Variants in SLC19A1 observed in about 807,000 individuals in gnomAD.
SLC19A1 encodes reduced folate transporter.
A neutral mutation model predicts 35.3 loss-of-function variants in SLC19A1; 37 were observed. The ratio of observed to expected loss-of-function variants is 1.05; its 90% CI spans 0.81 to 1.38. SLC19A1 has a LOEUF of 1.38. Ranked by LOEUF, SLC19A1 falls within the 40% of genes most tolerant of loss-of-function variation. The probability of loss-of-function intolerance (pLI) is 0.00; values close to 1 mark genes in which losing one functional copy is unlikely to be tolerated. For synonymous variants in SLC19A1, 460 were observed against 398.5 expected, an observed-to-expected ratio of 1.15 and a Z score of -1.84; for missense variants, 831 against 826.9, an observed-to-expected ratio of 1.00 and a Z score of -0.06.
Position 45,532,065 on chromosome 21 carries a change from G to C in SLC19A1, c.273C>G (p.Arg91=), listed in dbSNP as rs925375391. Residue 91 remains arginine (R), a synonymous_variant, in exon 3 of 6, where the codon CGC becomes CGG. Transcript: ENST00000311124. The stretch of plus-strand genomic sequence containing the variant: ...CCTGCAGCAGCAGCACCGGCGTGTA[G>C]CGCAGGTAGTCGGTGAGCAGGAACA... ...VPVFLLTDYL[R]YTPVLLLQGL... The C allele has an allele frequency of 3.1e-6, 5 of 1,612,426 alleles. No individual in the cohort carries two copies. The African/African-American group carries it at 6.7e-5, about 22-fold the overall frequency.
chr21:45,505,744 C>T (rs2037162490), intron 3 of SLC19A1: 5 of 1,065,108 alleles, frequency 4.7e-6, no homozygotes, highest in Non-Finnish European at 6.9e-6. Flanking sequence ...CCCTGCGGCC[C>T]CTGCCCAGCA....
Position 45,512,637 on chromosome 21 carries a change from G to A in SLC19A1, c.*3021C>T, listed in dbSNP as rs2037679254. The A allele has an allele frequency of 3.5e-6, 2 of 578,038 alleles. No homozygotes were observed. Among genetic ancestry groups the A allele is most frequent in the Admixed American group, 6.0e-5 (2 of 33,346 alleles). 35.8% of individuals were successfully genotyped at this position (578,038 alleles called of 1,614,324 possible). ...CTGCCCCAACTCTCCCCTGACCTGTGAGCCCAGCTGGGTCAGGCAGGGTGC... is the reference window on the plus strand; with the variant it reads ...CTGCCCCAACTCTCCCCTGACCTGTAAGCCCAGCTGGGTCAGGCAGGGTGC... On this transcript the variant is annotated 3_prime_UTR_variant, in exon 6 of 6. Transcript: ENST00000311124.
rs200299380 is a variant in SLC19A1, at chr21:45,505,213, G to A, written c.498-6601C>T. The A allele has an allele frequency of 1.6e-3, 2,486 of 1,600,036 alleles. 5 individuals carry two copies. Among genetic ancestry groups the A allele is most frequent in the Admixed American group, 1.9e-3 (113 of 58,530 alleles). The stretch of plus-strand genomic sequence containing the variant: ...CCCCCCGGCATCGGCTACGAGGGGC[G>A]CCAGGGCCCTCCCGGCCCCCCAGGC... On this transcript the variant is annotated intron_variant, in intron 3 of 4. Coordinates refer to the SLC19A1 transcript ENST00000417954.
chr21:45,536,407 G>A (rs1281219635), intron 2 of SLC19A1: 2 of 152,568 alleles, frequency 1.3e-5, no homozygotes, highest in Non-Finnish European at 1.5e-5. Context: ...GTGGGTGGCA[G>A]GGAGAGGGAC....
At position 45,514,492 on chromosome 21, in the gene SLC19A1, G is replaced by GTGCTGAGC. The variant is rs11281978; in HGVS notation, c.*1158_*1165dup. On this transcript the variant is annotated 3_prime_UTR_variant, in exon 6 of 6. Transcript: ENST00000311124. ...CCAGAGATTCTCTCCCCAGCTCTCC[G>GTGCTGAGC]TGCTGAGCAGCCAGCCATTCACCTG... 73,215 of 152,152 alleles carry GTGCTGAGC rather than the reference G, an allele frequency of 0.48. 17,968 individuals carry two copies. The highest frequency in any genetic ancestry group is 0.59 in the African/African-American group (24,542 of 41,324). The allele number at this position is 152,152 out of a possible 1,614,324, so 9.4% of individuals were successfully genotyped here.
At chr21:45,520,751 T>G (rs2077412765) in intron 5 of SLC19A1, among the ~76,000 whole-genome samples, 1 of 152,194 alleles carries the variant, frequency 6.6e-6, no homozygotes. Flanking sequence ...CCGGGCATGG[T>G]GGCTCATGCC....
intron 3 of SLC19A1, chr21:45,506,752 T>TCCCACCTTCCCTCTAGCATG (rs1568945730): frequency 3.5e-5 from 1 of 28,906 alleles, no homozygotes; most frequent in African/African-American, 1.9e-4. Context: ...TCTAGAGCCC[T>TCCCACCTTCCCTCTAGCATG]CCCACCTTCC....
chr21:45,528,917 C>A (rs138072208), intron 4 of SLC19A1, among the ~76,000 whole-genome samples: 85 of 152,332 alleles, frequency 5.6e-4, no homozygotes, highest in African/African-American at 2.0e-3. Flanking sequence ...CGCTGCGGCA[C>A]CGTGTTGGAT....
intron 2 of SLC19A1, among the ~76,000 whole-genome samples, chr21:45,535,224 T>G (rs1039064400): frequency 2.6e-5 from 4 of 152,146 alleles, no homozygotes; most frequent in Non-Finnish European, 5.9e-5. Flanking sequence ...ACAGCACAGT[T>G]CCAGCGGGGG....
Position 45,516,129 on chromosome 21 carries a change from G to A in SLC19A1, c.1305C>T (p.Tyr435=), listed in dbSNP as rs2037924541. 3 of 1,601,814 alleles carry A rather than the reference G, an allele frequency of 1.9e-6. No individual in the cohort carries two copies. In the African/African-American group the frequency reaches 4.0e-5, roughly 21 times the overall value. ...GLPVRKQFQL[Y]SVYFLILSII... Reference sequence around the variant, plus strand: ...TGGACAGGATCAGGAAGTACACGGAGTATAACTGGAACTGGAAAGAGAGGC... The same window carrying A: ...TGGACAGGATCAGGAAGTACACGGAATATAACTGGAACTGGAAAGAGAGGC... The change falls in exon 6 of 6, where the codon TAC becomes TAT. Residue 435 remains tyrosine, a synonymous_variant. Coordinates refer to ENST00000311124, the MANE Select transcript of SLC19A1 (RefSeq NM_194255.4).
chr21:45,528,421 CAG>C (rs1395493171), intron 4 of SLC19A1, among the ~76,000 whole-genome samples: 1 of 152,066 alleles, frequency 6.6e-6, no homozygotes, highest in African/African-American at 2.4e-5. Context: ...AGGAGACACA[CAG>C]GGGCCACTCA....
At chr21:45,537,742 G>A (rs779878814) in intron 2 of SLC19A1, 29 bp downstream of exon 2, 92 of 189,788 alleles carry the variant, frequency 4.8e-4, no homozygotes, top group African/African-American at 1.9e-3. Context: ...ACCCACAGGC[G>A]GCCGCCCGGC....
chr21:45,557,340 C>CCGTAGCCCGTGCCA (rs1438416872), intron 1 of SLC19A1, among the ~76,000 whole-genome samples: 1 of 152,230 alleles, frequency 6.6e-6, no homozygotes, highest in African/African-American at 2.4e-5. Context: ...GGCTTTGACC[C>CCGTAGCCCGTGCCA]CGTAGCCCGT....
rs1185667416 is a variant in SLC19A1 at position 45,515,052 on chromosome 21, C to T, written c.*606G>A. 27 of 1,544,530 alleles carry T rather than the reference C, an allele frequency of 1.7e-5. No individual in the cohort carries two copies. The highest frequency in any genetic ancestry group is 7.4e-5 in the East Asian group (3 of 40,802). The stretch of plus-strand genomic sequence containing the variant: ...TAGGGTGGGAGAGAGGAACCAGCTC[C>T]GAGGACCAGAGCCGCTGCTCCCCTC... On this transcript the variant is annotated 3_prime_UTR_variant, in exon 6 of 6. Transcript: ENST00000311124.
At chr21:45,509,556 A>T (rs1345910765), downstream of SLC19A1, 3 of 1,533,714 alleles carry the variant, frequency 2.0e-6, no homozygotes, top group Non-Finnish European at 2.6e-6. Context: ...GGCCGGCGCG[A>T]CCCACAAGCC....
intron 1 of SLC19A1, among the ~76,000 whole-genome samples, chr21:45,541,521 G>T (rs1008717168): frequency 6.6e-6 from 1 of 152,268 alleles, no homozygotes; most frequent in Non-Finnish European, 1.5e-5. Flanking sequence ...GGCCAGGCAG[G>T]CCAGACTCCC....
chr21:45,504,692 C>T, intron 3 of SLC19A1: 6 of 767,938 alleles, frequency 7.8e-6, no homozygotes, highest in Non-Finnish European at 1.3e-5. Context: ...CGACATGTCC[C>T]TGTCCCCGTG....
At chr21:45,550,612 C>T (rs953648283) in intron 1 of SLC19A1, among the ~76,000 whole-genome samples, 2 of 152,254 alleles carry the variant, frequency 1.3e-5, no homozygotes, top group East Asian at 1.9e-4. Context: ...GGTTCAGGAT[C>T]ACAGCAGCCC....
intron 5 of SLC19A1, among the ~76,000 whole-genome samples, chr21:45,522,720 G>C (rs1010574711): frequency 5.3e-5 from 8 of 152,180 alleles, no homozygotes; most frequent in African/African-American, 1.4e-4. Flanking sequence ...TGAGTGAAAA[G>C]AGCCAATCCC....
Sources: allele counts gnomAD v4.1 joint callset (sites outside exome capture counted in the v4.1 genomes callset), GRCh38; gene constraint gnomAD v4.1.1; transcripts MANE v1.5; gene names NCBI Gene and HGNC (gene_info 2026-07-23, HGNC 2026-07-21).